CMPK2: variants seen among roughly 807,000 people sequenced by gnomAD.
The protein encoded by CMPK2 is cytidine/uridine monophosphate kinase 2.
A neutral mutation model predicts 33.4 loss-of-function variants in CMPK2; 32 were observed. That is an observed-to-expected ratio of 0.96 (90% confidence interval 0.72 to 1.29). The LOEUF is 1.29. Ranked by LOEUF, CMPK2 falls within the 50% of genes most tolerant of loss-of-function variation. The probability of loss-of-function intolerance (pLI) is 0.00; values close to 1 mark genes in which losing one functional copy is unlikely to be tolerated. For missense variants in CMPK2, 672 were observed against 616.0 expected (o/e 1.09, Z -0.96); for synonymous variants, 299 against 275.3 (o/e 1.09, Z -0.85).
intron 3 of CMPK2, among the ~76,000 whole-genome samples, chr2:6,858,522 G>A (rs1046504619): frequency 6.6e-6 from 1 of 152,164 alleles, no homozygotes; most frequent in Admixed American, 6.5e-5. Context: ...TTGTTGGAGG[G>A]ACCCAGTGGG....
intron 3 of CMPK2, among the ~76,000 whole-genome samples, chr2:6,841,361 T>C (rs1662228881): frequency 6.6e-6 from 1 of 152,166 alleles, no homozygotes; most frequent in East Asian, 1.9e-4. Flanking sequence ...ATTCTTTGTG[T>C]TGCTGGGGAT....
At chr2:6,845,466 C>A (rs1408151795), downstream of CMPK2, among the ~76,000 whole-genome samples, 1 of 152,146 alleles carries the variant, frequency 6.6e-6, no homozygotes, top group African/African-American at 2.4e-5. Flanking sequence ...TCCTCTTCTC[C>A]TTCCTTCTCT....
In CMPK2 at chr2:6,865,087, C is replaced by A. The variant is rs772810773; in HGVS notation, c.610G>T (p.Val204Leu). The part of the protein sequence containing the change: ...PVPEPPLHPV[V>L]PDLPSSVVFP... Reference sequence around the variant, plus strand: ...ACCACGGAACTGGGCAAGTCTGGCACCACCGGGTGCAGCGGGGGCTCCGGG... The same window carrying A: ...ACCACGGAACTGGGCAAGTCTGGCAACACCGGGTGCAGCGGGGGCTCCGGG... Residue 204 changes from valine to leucine, a missense_variant, in exon 1 of 5, where the codon GTG (valine) becomes TTG (leucine). Physicochemically the swap from Val to Leu is conservative, Grantham distance 32. Transcript: ENST00000256722. 2 of 1,490,792 alleles carry A rather than the reference C, an allele frequency of 1.3e-6. No homozygotes were observed. Among genetic ancestry groups the A allele is most frequent in the South Asian group, 2.6e-5 (2 of 75,528 alleles). 92.3% of individuals were successfully genotyped at this position (1,490,792 alleles called of 1,614,324 possible).
In CMPK2 at chr2:6,865,776, C is replaced by G; in HGVS notation, c.-80G>C. 1 of 1,257,788 alleles carries G rather than the reference C, an allele frequency of 8.0e-7. No individual in the cohort carries two copies. The highest frequency in any genetic ancestry group is 1.0e-6 in the Non-Finnish European group (1 of 1,001,514). The allele number at this position is 1,257,788 out of a possible 1,614,324, so 77.9% of individuals were successfully genotyped here. The stretch of plus-strand genomic sequence containing the variant: ...AGCCAGGCGCCGGCGGGAAACGAAA[C>G]CCGGAGGGAGCCAGGCGCCAGCGGG... On this transcript the variant is annotated 5_prime_UTR_variant, in exon 1 of 5. Coordinates refer to ENST00000256722, the MANE Select transcript of CMPK2 (RefSeq NM_207315.4).
At chr2:6,840,574 T>C in exon 4 of CMPK2, 1 of 702,270 alleles carries the variant, frequency 1.4e-6, no homozygotes, top group Non-Finnish European at 2.6e-6. Flanking sequence ...CAGGGGTCAT[T>C]CCAGGCCTTG....
chr2:6,848,988 C>T lies in CMPK2; in HGVS notation c.*862G>A. 1 of 985,464 alleles carries T rather than the reference C, an allele frequency of 1.0e-6. No individual in the cohort carries two copies. The highest frequency in any genetic ancestry group is 1.2e-6 in the Non-Finnish European group (1 of 829,618). 61.0% of individuals were successfully genotyped at this position (985,464 alleles called of 1,614,324 possible). On this transcript the variant is annotated 3_prime_UTR_variant, in exon 5 of 5. Coordinates refer to ENST00000256722, the MANE Select transcript of CMPK2 (RefSeq NM_207315.4). ...TTGACTCCACTTTTAATTAATGAAT[C>T]ATAGCTCCTATGCTGAGGAAACATA...
At chr2:6,852,911 G>A (rs942282647) in intron 3 of CMPK2, among the ~76,000 whole-genome samples, 1 of 151,976 alleles carries the variant, frequency 6.6e-6, no homozygotes, top group African/African-American at 2.4e-5. Flanking sequence ...AGATACCCAG[G>A]GGCCCCTCCT....
chr2:6,855,212 T>C (rs920232456), intron 3 of CMPK2, among the ~76,000 whole-genome samples: 7 of 151,760 alleles, frequency 4.6e-5, no homozygotes, highest in African/African-American at 1.7e-4. Context: ...GGGAGTTGAC[T>C]GGATCATGGG....
At chr2:6,845,085 T>C (rs1360116660), downstream of CMPK2, among the ~76,000 whole-genome samples, 2 of 152,154 alleles carry the variant, frequency 1.3e-5, no homozygotes, top group Admixed American at 1.3e-4. Context: ...TGTACAATGC[T>C]TACAAAGATT....
At chr2:6,859,165 A>G (rs1226102752) in intron 3 of CMPK2, among the ~76,000 whole-genome samples, 2 of 152,242 alleles carry the variant, frequency 1.3e-5, no homozygotes, top group African/African-American at 4.8e-5. Flanking sequence ...CTGGTGGAAG[A>G]AATTTCTAAG....
chr2:6,852,718 T>C (rs1481010317), intron 3 of CMPK2, among the ~76,000 whole-genome samples: 7 of 152,212 alleles, frequency 4.6e-5, no homozygotes, highest in Non-Finnish European at 1.5e-5. Context: ...AATGAAAGAA[T>C]GTTATTTGGG....
In CMPK2 at chr2:6,848,927, T is replaced by C. The variant is rs1662431001; in HGVS notation, c.*923A>G. On this transcript the variant is annotated 3_prime_UTR_variant, in exon 5 of 5. Transcript: ENST00000256722. ...TTTAACAAGACAAATTAAGTTTGTGTAATGAAAATACACAACAAACATTGC... is the reference window on the plus strand; with the variant it reads ...TTTAACAAGACAAATTAAGTTTGTGCAATGAAAATACACAACAAACATTGC... 1 of 985,816 alleles carries C rather than the reference T, an allele frequency of 1.0e-6. No individual in the cohort carries two copies. Among genetic ancestry groups the C allele is most frequent in the Non-Finnish European group, 1.2e-6 (1 of 829,850 alleles). 61.1% of individuals were successfully genotyped at this position (985,816 alleles called of 1,614,324 possible). A position where few individuals can be genotyped will look rare whatever the true frequency, so the allele number is the denominator to read the frequency against.
intron 3 of CMPK2, among the ~76,000 whole-genome samples, chr2:6,859,455 A>C (rs1305499562): frequency 6.6e-6 from 1 of 152,122 alleles, no homozygotes; most frequent in African/African-American, 2.4e-5. Context: ...AAGGAAAAAA[A>C]TGGTTTTGTG....
chr2:6,861,009 C>T (rs940530891), intron 3 of CMPK2, among the ~76,000 whole-genome samples, 175 bp downstream of exon 3: 4 of 151,838 alleles, frequency 2.6e-5, no homozygotes, highest in Non-Finnish European at 5.9e-5. Context: ...AGGTAATTAA[C>T]AATTCATAAG....
At chr2:6,862,900 G>A (rs1662924811) in intron 2 of CMPK2, among the ~76,000 whole-genome samples, 1 of 152,234 alleles carries the variant, frequency 6.6e-6, no homozygotes, top group African/African-American at 2.4e-5. Flanking sequence ...CTGGGCCACA[G>A]GAGCAGCATG....
rs1662944836 is a variant in CMPK2 at position 6,863,518 on chromosome 2, G to A, written c.736C>T (p.Gln246Ter). ...VLDLVDQCPKQIQKGKFQVVA... is the reference protein window; with the variant it reads ...VLDLVDQCPK ...ACCTGGAACTTTCCTTTCTGGATCT[G>A]TTTTGGGCACTGGTCGACCAGGTCA... The change falls in exon 2 of 5, where the codon CAG becomes TAG. Residue 246 changes from glutamine (Q) to a stop codon, truncating the protein, a stop_gained. Transcript: ENST00000256722. LOFTEE classifies it high-confidence loss of function. 1 of 1,614,074 alleles carries A rather than the reference G, an allele frequency of 6.2e-7. No individual in the cohort carries two copies. The highest frequency in any genetic ancestry group is 1.3e-5 in the African/African-American group (1 of 74,922).
chr2:6,850,378 G>C (rs1476695016), intron 4 of CMPK2, among the ~76,000 whole-genome samples: 1 of 152,222 alleles, frequency 6.6e-6, no homozygotes, highest in East Asian at 1.9e-4. Flanking sequence ...ACAAGCCACA[G>C]TCCTTAATAT....
chr2:6,863,528 C>T lies in CMPK2; in HGVS notation c.726G>A (p.Gln242=). Reference sequence around the variant, plus strand: ...TTCCTTTCTGGATCTGTTTTGGGCACTGGTCGACCAGGTCAAGCACTGCCC... The same window carrying T: ...TTCCTTTCTGGATCTGTTTTGGGCATTGGTCGACCAGGTCAAGCACTGCCC... ...EARAVLDLVD[Q]CPKQIQKGKF... The change falls in exon 2 of 5, where the codon CAG becomes CAA. Residue 242 remains glutamine (Q), a synonymous_variant. Transcript: ENST00000256722. 6.2e-7 allele frequency: 1 copy of T among 1,614,160 alleles called. No homozygotes were observed. The highest frequency in any genetic ancestry group is 8.5e-7 in the Non-Finnish European group (1 of 1,180,032).
At chr2:6,845,032 T>C (rs935110090), downstream of CMPK2, among the ~76,000 whole-genome samples, 2 of 152,192 alleles carry the variant, frequency 1.3e-5, no homozygotes, top group South Asian at 2.1e-4. Flanking sequence ...GAAGTATCTT[T>C]TGTAGGCTTG....
Sources: allele counts gnomAD v4.1 joint callset (sites outside exome capture counted in the v4.1 genomes callset), GRCh38; gene constraint gnomAD v4.1.1; transcripts MANE v1.5; gene names NCBI Gene and HGNC (gene_info 2026-07-23, HGNC 2026-07-21).